FAT3: variants seen among roughly 807,000 people sequenced by gnomAD.
The protein encoded by FAT3 is FAT atypical cadherin 3.
FAT3 carries 95 observed loss-of-function variants against 310.2 expected under a neutral mutation model. That is an observed-to-expected ratio of 0.31 (90% CI 0.26 to 0.36). The LOEUF (loss-of-function observed/expected upper bound fraction) is 0.36, where lower values mean the gene tolerates loss of function less well. Among genes scored for constraint, FAT3 ranks in the 10% least tolerant of loss-of-function variants. FAT3 has a pLI of 1.00. For synonymous variants in FAT3, 2,314 were observed against 2,192.9 expected, an observed-to-expected ratio of 1.06 and a Z score of -1.54; for missense variants, 5,408 against 5,715.6, an observed-to-expected ratio of 0.95 and a Z score of 1.74.
At chr11:92,225,628 G>A (rs1167689747) in intron 1 of FAT3, among the ~76,000 whole-genome samples, 1 of 152,232 alleles carries the variant, frequency 6.6e-6, no homozygotes, top group Admixed American at 6.5e-5. Flanking sequence ...GCACTTAGGG[G>A]ACCCCGAGGT....
chr11:92,736,748 A>G (rs879366658), intron 4 of FAT3, among the ~76,000 whole-genome samples: 3 of 152,228 alleles, frequency 2.0e-5, no homozygotes, highest in Non-Finnish European at 4.4e-5. Flanking sequence ...TTTGAAAAGG[A>G]AAGATTCCTA....
chr11:92,866,021 ATAACCT>A (rs753505293), intron 21 of FAT3, among the ~76,000 whole-genome samples: 1 of 152,218 alleles, frequency 6.6e-6, no homozygotes, highest in Non-Finnish European at 1.5e-5. Flanking sequence ...ACCTTGGAAG[ATAACCT>A]TTACCTAAAC....
At chr11:92,657,872 G>A (rs1276190606) in intron 3 of FAT3, among the ~76,000 whole-genome samples, 1 of 152,030 alleles carries the variant, frequency 6.6e-6, no homozygotes, top group Non-Finnish European at 1.5e-5. Context: ...ATTTTTAGTG[G>A]TCTGACAATA....
At chr11:92,657,154 C>T (rs993409579) in intron 3 of FAT3, among the ~76,000 whole-genome samples, 3 of 152,116 alleles carry the variant, frequency 2.0e-5, no homozygotes, top group African/African-American at 4.8e-5. Flanking sequence ...AAAGCATGCC[C>T]GTTTTCCAGT....
intron 3 of FAT3, among the ~76,000 whole-genome samples, chr11:92,542,937 G>T (rs756477591): frequency 2.0e-5 from 3 of 152,038 alleles, no homozygotes; most frequent in African/African-American, 7.2e-5. Context: ...GTGTCCATCC[G>T]TGGGTAAATA....
intron 2 of FAT3, among the ~76,000 whole-genome samples, chr11:92,510,817 G>T (rs1195117326): frequency 6.6e-6 from 1 of 152,216 alleles, no homozygotes; most frequent in African/African-American, 2.4e-5. Flanking sequence ...AGGCACTGAA[G>T]GCGGCTTGCA....
intron 3 of FAT3, among the ~76,000 whole-genome samples, chr11:92,534,280 G>T (rs191259816): frequency 7.2e-5 from 11 of 152,140 alleles, no homozygotes; most frequent in South Asian, 2.1e-4. Context: ...CAGTCCTGGG[G>T]GGGGAGGGGA....
intron 4 of FAT3, among the ~76,000 whole-genome samples, chr11:92,760,886 A>G (rs1355735715): frequency 6.6e-6 from 1 of 152,250 alleles, no homozygotes; most frequent in African/African-American, 2.4e-5. Context: ...CAATTTTCAC[A>G]GGCACACATG....
intron 1 of FAT3, among the ~76,000 whole-genome samples, chr11:92,319,436 T>C (rs1238834098): frequency 6.6e-6 from 1 of 152,142 alleles, no homozygotes; most frequent in Non-Finnish European, 1.5e-5. Context: ...TAGCCCAAGA[T>C]TTAAGGCAAC....
chr11:92,333,662 T>C (rs1397457314), intron 1 of FAT3, among the ~76,000 whole-genome samples: 2 of 152,198 alleles, frequency 1.3e-5, no homozygotes, highest in Admixed American at 1.3e-4. Flanking sequence ...AGTTTTTTTA[T>C]AAGCTCTAAT....
intron 3 of FAT3, among the ~76,000 whole-genome samples, chr11:92,583,667 A>G (rs1344006187): frequency 6.6e-6 from 1 of 151,950 alleles, no homozygotes; most frequent in African/African-American, 2.4e-5. Flanking sequence ...CTAAAGCTCC[A>G]AAAGGAGCTC....
chr11:92,550,044 T>C (rs528365127), intron 3 of FAT3, among the ~76,000 whole-genome samples: 12 of 152,280 alleles, frequency 7.9e-5, no homozygotes, highest in African/African-American at 2.2e-4. Context: ...ACTTCTGATA[T>C]ACTCTAGAGC....
chr11:92,683,521 A>AC (rs1943546807), intron 3 of FAT3, among the ~76,000 whole-genome samples: 1 of 151,514 alleles, frequency 6.6e-6, no homozygotes, highest in Non-Finnish European at 1.5e-5. Context: ...CTTTTCTTGC[A>AC]CCCCCAGCTG....
chr11:92,234,624 C>G (rs1292625313), intron 1 of FAT3, among the ~76,000 whole-genome samples: 1 of 152,022 alleles, frequency 6.6e-6, no homozygotes, highest in Non-Finnish European at 1.5e-5. Context: ...ACAAAAATTG[C>G]CAGGCACGGT....
At chr11:92,836,529 T>C (rs1044498535) in intron 15 of FAT3, 37 bp from the exon 16 acceptor site, 1 of 1,606,318 alleles carries the variant, frequency 6.2e-7, no homozygotes, top group Admixed American at 1.7e-5. Context: ...CTGCCTTATG[T>C]CATGTCTTTT....
At chr11:92,636,469 A>G (rs1001078761) in intron 3 of FAT3, among the ~76,000 whole-genome samples, 5 of 152,214 alleles carry the variant, frequency 3.3e-5, no homozygotes, top group African/African-American at 1.2e-4. Context: ...TTCTTAAAGG[A>G]CTTACTGGGT....
intron 1 of FAT3, among the ~76,000 whole-genome samples, chr11:92,324,396 T>C (rs542543281): frequency 1.3e-5 from 2 of 152,156 alleles, no homozygotes; most frequent in African/African-American, 4.8e-5. Flanking sequence ...TAGAGGACAT[T>C]GTAGGGTTAT....
At chr11:92,432,587 G>A (rs537946694) in intron 2 of FAT3, among the ~76,000 whole-genome samples, 7 of 152,316 alleles carry the variant, frequency 4.6e-5, no homozygotes, top group Non-Finnish European at 8.8e-5. Flanking sequence ...AGTGTCACCA[G>A]TGGAGGCTGC....
intron 2 of FAT3, among the ~76,000 whole-genome samples, chr11:92,430,924 G>A (rs1021296085): frequency 5.9e-5 from 9 of 152,080 alleles, no homozygotes; most frequent in African/African-American, 2.2e-4. Context: ...TGGACATTTG[G>A]GTTGGTTCCA....
Sources: gnomAD v4.1 joint callset for allele counts (sites outside exome capture counted in the v4.1 genomes callset) on GRCh38, gnomAD v4.1.1 for gene constraint, MANE v1.5 for transcripts, NCBI Gene and HGNC (gene_info 2026-07-23, HGNC 2026-07-21) for gene names.